The following PCDH7 variants were observed in gnomAD, a reference collection of about 807,000 sequenced individuals.
PCDH7 encodes the protein protocadherin-7.
In PCDH7, 17 loss-of-function variants were observed where a neutral mutation model predicts 58.9. That is an observed-to-expected ratio of 0.29 (90% confidence interval 0.20 to 0.43). The LOEUF is 0.43. Ranked by LOEUF, PCDH7 falls within the 20% of genes least tolerant of loss-of-function variation. PCDH7 has a pLI of 1.00. For missense variants in PCDH7, 1,274 were observed against 1,441.0 expected, an observed-to-expected ratio of 0.88 and a Z score of 1.88; for synonymous variants, 664 against 616.4, an observed-to-expected ratio of 1.08 and a Z score of -1.14.
At chr4:31,066,081 C>T (rs533998583) in intron 3 of PCDH7, among the ~76,000 whole-genome samples, 21 of 151,996 alleles carry the variant, frequency 1.4e-4, no homozygotes, top group Admixed American at 1.1e-3. Context: ...CATCCTGTTT[C>T]ATATCAGCCT....
At chr4:30,766,055 T>C (rs977636698) in intron 1 of PCDH7, among the ~76,000 whole-genome samples, 1 of 151,132 alleles carries the variant, frequency 6.6e-6, no homozygotes, top group Non-Finnish European at 1.5e-5. Context: ...AGATAAGACG[T>C]CACAGGAAAA....
At chr4:30,758,575 A>T (rs776128935) in intron 1 of PCDH7, among the ~76,000 whole-genome samples, 2 of 152,208 alleles carry the variant, frequency 1.3e-5, no homozygotes, top group Non-Finnish European at 2.9e-5. Flanking sequence ...AGGACAGCCA[A>T]CATTCACAAA....
chr4:30,739,149 T>A lies in PCDH7; in HGVS notation c.70+14553T>A, dbSNP rs1159717566. On this transcript the variant is annotated intron_variant, in intron 1 of 3. Coordinates refer to the PCDH7 transcript ENST00000509759. ...TTTTATATATAAAAATATATATATT[T>A]TATATATATATTATATATATATATC... 5.5e-5 allele frequency among the ~76,000 whole-genome samples: 8 copies of A among 146,404 alleles called. No individual in the cohort carries two copies. The East Asian group carries it at 1.0e-3, about 18-fold the overall frequency.
chr4:31,112,034 A>C (rs1459751993), intron 3 of PCDH7, among the ~76,000 whole-genome samples: 4 of 152,238 alleles, frequency 2.6e-5, no homozygotes, highest in Non-Finnish European at 5.9e-5. Context: ...TAAGCATTCT[A>C]TAAATGTGTT....
intron 3 of PCDH7, among the ~76,000 whole-genome samples, chr4:31,027,039 A>C (rs1754493874): frequency 6.6e-6 from 1 of 152,190 alleles, no homozygotes; most frequent in African/African-American, 2.4e-5. Context: ...CAATTATAAC[A>C]CTAGAATCCT....
chr4:31,140,110 A>G (rs894066618), intron 3 of PCDH7, among the ~76,000 whole-genome samples: 5 of 152,220 alleles, frequency 3.3e-5, no homozygotes, highest in Admixed American at 2.0e-4. Flanking sequence ...AATCTATTTA[A>G]TAAATGATTA....
intron 1 of PCDH7, among the ~76,000 whole-genome samples, chr4:30,749,463 T>G (rs1021546070): frequency 5.9e-5 from 9 of 152,132 alleles, no homozygotes; most frequent in African/African-American, 1.7e-4. Context: ...AGCATCCTTC[T>G]TGATTTAACA....
chr4:30,733,365 G>C (rs1464748571), downstream of PCDH7, among the ~76,000 whole-genome samples: 1 of 118,540 alleles, frequency 8.4e-6, no homozygotes, highest in African/African-American at 2.7e-5. Flanking sequence ...GGTACTAAAA[G>C]AATAATAAGA....
intron 1 of PCDH7, among the ~76,000 whole-genome samples, chr4:30,900,085 G>A (rs1341292175): frequency 6.6e-6 from 1 of 152,150 alleles, no homozygotes. Flanking sequence ...AGTTTCCCAA[G>A]AGATCACCAG....
At chr4:30,839,578 A>T (rs1730952273) in intron 1 of PCDH7, among the ~76,000 whole-genome samples, 1 of 152,062 alleles carries the variant, frequency 6.6e-6, no homozygotes, top group Admixed American at 6.6e-5. Context: ...TGTAACACTT[A>T]CCCCAGGTCA....
intron 3 of PCDH7, among the ~76,000 whole-genome samples, chr4:31,083,197 T>C (rs987356693): frequency 6.6e-6 from 1 of 152,074 alleles, no homozygotes; most frequent in African/African-American, 2.4e-5. Flanking sequence ...ATCTGAAAAT[T>C]CACCACTATT....
chr4:31,068,356 T>C (rs1371500537), intron 3 of PCDH7, among the ~76,000 whole-genome samples: 1 of 151,426 alleles, frequency 6.6e-6, no homozygotes, highest in Non-Finnish European at 1.5e-5. Flanking sequence ...AAAAAATCCA[T>C]CGCATTCAGC....
At chr4:31,078,923 G>A (rs552735064) in intron 3 of PCDH7, among the ~76,000 whole-genome samples, 1 of 151,938 alleles carries the variant, frequency 6.6e-6, no homozygotes, top group Non-Finnish European at 1.5e-5. Context: ...CCACATATAT[G>A]TGGATAATTA....
At chr4:30,974,814 G>T (rs957128809) in intron 3 of PCDH7, among the ~76,000 whole-genome samples, 3 of 150,298 alleles carry the variant, frequency 2.0e-5, no homozygotes, top group Non-Finnish European at 3.0e-5. Context: ...GACATAGGGT[G>T]GGCGATGGGG....
chr4:30,984,542 C>CT (rs1159929616), intron 3 of PCDH7, among the ~76,000 whole-genome samples: 1 of 152,140 alleles, frequency 6.6e-6, no homozygotes, highest in African/African-American at 2.4e-5. Context: ...ACTCTAAAGG[C>CT]TGTGATTCTG....
At chr4:30,749,399 A>G (rs528156354) in intron 1 of PCDH7, among the ~76,000 whole-genome samples, 1 of 152,270 alleles carries the variant, frequency 6.6e-6, no homozygotes, top group African/African-American at 2.4e-5. Flanking sequence ...TCGTCATGGT[A>G]GTGGGAAGAG....
intron 1 of PCDH7, among the ~76,000 whole-genome samples, chr4:30,902,404 C>T (rs1461429060): frequency 6.6e-6 from 1 of 152,056 alleles, no homozygotes; most frequent in Non-Finnish European, 1.5e-5. Context: ...AAAACTGAAG[C>T]TAAACGTTTT....
chr4:30,972,595 T>C (rs987511788), intron 3 of PCDH7, among the ~76,000 whole-genome samples: 2 of 152,306 alleles, frequency 1.3e-5, no homozygotes, highest in African/African-American at 4.8e-5. Context: ...ACTATTATAA[T>C]GCCCAACCTA....
chr4:30,912,769 A>G (rs1303831044), intron 1 of PCDH7, among the ~76,000 whole-genome samples: 1 of 152,150 alleles, frequency 6.6e-6, no homozygotes, highest in Non-Finnish European at 1.5e-5. Flanking sequence ...CCATAAAGGT[A>G]GTGTCACTAG....
Sources: allele counts gnomAD v4.1 joint callset (sites outside exome capture counted in the v4.1 genomes callset), GRCh38; gene constraint gnomAD v4.1.1; transcripts MANE v1.5; gene names NCBI Gene and HGNC (gene_info 2026-07-23, HGNC 2026-07-21).